Variants in KIAA1958 observed in about 807,000 individuals in gnomAD.
KIAA1958 encodes the protein KIAA1958.
In KIAA1958, 14 loss-of-function variants were observed where a neutral mutation model predicts 47.2. That is an observed-to-expected ratio of 0.30 (90% CI 0.20 to 0.46). KIAA1958 has a LOEUF of 0.46. Ranked by LOEUF, KIAA1958 falls within the 20% of genes least tolerant of loss-of-function variation. The pLI is 1.00. For missense variants in KIAA1958, 803 were observed against 909.2 expected (o/e 0.88, Z 1.50); for synonymous variants, 354 against 353.3 (o/e 1.00, Z -0.02).
At position 112,568,936 on chromosome 9, in the gene KIAA1958, T is replaced by TAAAAAAAAAAAAAAAAAAAAAAAAAAA. The variant is rs57898820; in HGVS notation, c.-24-5116_-24-5090dup. ...GCTGCCAATTTAAGAATAGGAAAAC[T>TAAAAAAAAAAAAAAAAAAAAAAAAAAA]AAAAAAAAAAAAAAAAAAAAAAAAA... On this transcript the variant is annotated intron_variant, in intron 1 of 3. Coordinates refer to ENST00000337530, the MANE Select transcript of KIAA1958 (RefSeq NM_133465.4). Among the ~76,000 whole-genome samples the TAAAAAAAAAAAAAAAAAAAAAAAAAAA allele has an allele frequency of 8.2e-5, 3 of 36,454 alleles. 1 individual carries two copies. The highest frequency in any genetic ancestry group is 1.4e-4 in the Non-Finnish European group (3 of 22,092). 23.9% of individuals were successfully genotyped at this position (36,454 alleles called of 152,430 possible). A position where few individuals can be genotyped will look rare whatever the true frequency, so the allele number is the denominator to read the frequency against.
At chr9:112,505,318 T>C (rs182854635) in intron 1 of KIAA1958, among the ~76,000 whole-genome samples, 2 of 152,330 alleles carry the variant, frequency 1.3e-5, no homozygotes, top group Non-Finnish European at 2.9e-5. Flanking sequence ...TGGCCCTTAT[T>C]AGTACATAAC....
chr9:112,639,274 T>C (rs1051295609), intron 2 of KIAA1958, among the ~76,000 whole-genome samples: 1 of 152,174 alleles, frequency 6.6e-6, no homozygotes, highest in South Asian at 2.1e-4. Flanking sequence ...CAACTTTCCT[T>C]GCCCACTCAG....
intron 1 of KIAA1958, among the ~76,000 whole-genome samples, chr9:112,534,841 G>A (rs1246000796): frequency 6.6e-6 from 1 of 152,158 alleles, no homozygotes; most frequent in African/African-American, 2.4e-5. Flanking sequence ...ACTGTGCCCG[G>A]CCAATCTTTT....
At chr9:112,583,952 G>A (rs764529959) in intron 2 of KIAA1958, among the ~76,000 whole-genome samples, 15 of 152,134 alleles carry the variant, frequency 9.9e-5, no homozygotes, top group Non-Finnish European at 2.2e-4. Context: ...TGGGCACTCA[G>A]CACTCTGGAA....
At chr9:112,636,786 C>G (rs1196275178) in intron 2 of KIAA1958, among the ~76,000 whole-genome samples, 3 of 152,046 alleles carry the variant, frequency 2.0e-5, no homozygotes, top group Admixed American at 6.6e-5. Context: ...TATTTTTCCC[C>G]CAGGAGAATA....
At chr9:112,505,849 C>T (rs1359259889) in intron 1 of KIAA1958, among the ~76,000 whole-genome samples, 1 of 152,196 alleles carries the variant, frequency 6.6e-6, no homozygotes, top group African/African-American at 2.4e-5. Flanking sequence ...CAGACAGGAA[C>T]TTTGCTTTGT....
chr9:112,533,587 A>ACCC (rs765851834), intron 1 of KIAA1958, among the ~76,000 whole-genome samples: 13 of 125,940 alleles, frequency 1.0e-4, no homozygotes, highest in East Asian at 4.8e-4. Flanking sequence ...TCCCAAAAAA[A>ACCC]AAAAAAAAAA....
chr9:112,621,813 G>A (rs1307744777), intron 2 of KIAA1958, among the ~76,000 whole-genome samples: 14 of 152,084 alleles, frequency 9.2e-5, no homozygotes, highest in African/African-American at 3.4e-4. Context: ...CAGAGGTGCA[G>A]TCATAGCTCA....
At chr9:112,657,464 A>G (rs890443254) in intron 3 of KIAA1958, among the ~76,000 whole-genome samples, 12 of 152,186 alleles carry the variant, frequency 7.9e-5, no homozygotes, top group Non-Finnish European at 2.9e-5. Flanking sequence ...CTTATTCTCA[A>G]TAAAGTTTTC....
intron 1 of KIAA1958, among the ~76,000 whole-genome samples, chr9:112,512,987 G>A (rs1371129521): frequency 6.7e-6 from 1 of 148,294 alleles, no homozygotes; most frequent in Admixed American, 6.8e-5. Context: ...ACAGGCGCCC[G>A]CCACCATGCC....
chr9:112,608,265 TATTTAAACTAATA>T (rs1836269505), intron 2 of KIAA1958, among the ~76,000 whole-genome samples: 1 of 152,214 alleles, frequency 6.6e-6, no homozygotes, highest in African/African-American at 2.4e-5. Context: ...ATTCAAAAGA[TATTTAAACTAATA>T]ATTTAAACTA....
At chr9:112,587,338 C>T (rs998727023) in intron 2 of KIAA1958, among the ~76,000 whole-genome samples, 10 of 151,946 alleles carry the variant, frequency 6.6e-5, no homozygotes, top group South Asian at 2.1e-4. Context: ...TAAGTAGAGA[C>T]GGGGTTTCAC....
intron 1 of KIAA1958, among the ~76,000 whole-genome samples, chr9:112,571,920 A>G (rs1479344255): frequency 2.0e-5 from 3 of 148,082 alleles, no homozygotes; most frequent in Admixed American, 1.3e-4. Context: ...TAACATTTCT[A>G]CTTTAACCAA....
At chr9:112,566,805 A>T (rs1419668838) in intron 1 of KIAA1958, among the ~76,000 whole-genome samples, 1 of 152,138 alleles carries the variant, frequency 6.6e-6, no homozygotes, top group Non-Finnish European at 1.5e-5. Context: ...TGTTTTATTT[A>T]TATGTGCTAA....
intron 2 of KIAA1958, among the ~76,000 whole-genome samples, chr9:112,597,170 T>C (rs1046290885): frequency 6.6e-6 from 1 of 152,204 alleles, no homozygotes; most frequent in African/African-American, 2.4e-5. Context: ...GGTGATCTTA[T>C]TTAACTTCCC....
chr9:112,566,727 A>T (rs2131165047), intron 1 of KIAA1958, among the ~76,000 whole-genome samples: 1 of 152,298 alleles, frequency 6.6e-6, no homozygotes, highest in South Asian at 2.1e-4. Flanking sequence ...CCACCATCAC[A>T]TTATGTTATT....
chr9:112,576,831 G>T (rs1296148038), intron 2 of KIAA1958, among the ~76,000 whole-genome samples: 1 of 152,126 alleles, frequency 6.6e-6, no homozygotes, highest in African/African-American at 2.4e-5. Context: ...GTGTGGGTGT[G>T]TATGTTTATC....
chr9:112,640,258 T>A (rs918760309), intron 2 of KIAA1958, among the ~76,000 whole-genome samples: 1 of 152,224 alleles, frequency 6.6e-6, no homozygotes, highest in Non-Finnish European at 1.5e-5. Flanking sequence ...CTGTAACTCT[T>A]ACAGTTAAGC....
At chr9:112,528,091 G>C (rs998658465) in intron 1 of KIAA1958, among the ~76,000 whole-genome samples, 5 of 151,928 alleles carry the variant, frequency 3.3e-5, no homozygotes, top group Admixed American at 1.3e-4. Context: ...TGCATGATTT[G>C]TTCCCACAAC....
Sources: gnomAD v4.1 joint callset for allele counts (sites outside exome capture counted in the v4.1 genomes callset) on GRCh38, gnomAD v4.1.1 for gene constraint, MANE v1.5 for transcripts, NCBI Gene and HGNC (gene_info 2026-07-23, HGNC 2026-07-21) for gene names.